Variants in RABL2A observed in about 807,000 individuals in gnomAD.
RABL2A encodes the protein rab-like protein 2A.
Under a neutral mutation model 30.7 loss-of-function variants are expected in RABL2A, and 17 were observed. The observed-to-expected ratio is 0.55, with a 90% CI of 0.38 to 0.83. RABL2A has a LOEUF of 0.83. Among genes scored for constraint, RABL2A ranks in the 40% least tolerant of loss-of-function variants. The pLI, the probability that RABL2A is intolerant of heterozygous loss-of-function variation, is 0.00. For synonymous variants in RABL2A, 64 were observed against 101.8 expected (o/e 0.63, Z 2.24); for missense variants, 155 against 272.6 (o/e 0.57, Z 3.04).
At chr2:113,641,936 T>C in intron 8 of RABL2A, 72 bp downstream of exon 8, 1 of 1,513,066 alleles carries the variant, frequency 6.6e-7, no homozygotes, top group Admixed American at 2.0e-5. Context: ...TACAACCCAG[T>C]AGAGTGACTC....
intron 2 of RABL2A, 54 bp from the exon 3 acceptor site, chr2:113,632,861 G>T: frequency 6.2e-7 from 1 of 1,614,112 alleles, no homozygotes; most frequent in Non-Finnish European, 8.5e-7. Flanking sequence ...AAAAAGTCTG[G>T]GACAAGGGAG....
chr2:113,642,721 AC>A lies in RABL2A; in HGVS notation c.*594del. The A allele has an allele frequency of 5.3e-6, 1 of 189,514 alleles. No individual in the cohort carries two copies. Among genetic ancestry groups the A allele is most frequent in the East Asian group, 1.8e-4 (1 of 5,674 alleles). The allele number at this position is 189,514 out of a possible 1,614,324, so 11.7% of individuals were successfully genotyped here. ...AGTGGCGCAGTCTCGGCTCGCTGCA[AC>A]CTCTGACTCCCTGGTTCAAACGATT... On this transcript the variant is annotated 3_prime_UTR_variant, in exon 9 of 9. Transcript: ENST00000683472.
In RABL2A at chr2:113,640,881, C is replaced by G. The variant is rs752018237; in HGVS notation, c.298-13C>G. 2 of 1,613,928 alleles carry G rather than the reference C, an allele frequency of 1.2e-6. No individual in the cohort carries two copies. The highest frequency in any genetic ancestry group is 8.5e-7 in the Non-Finnish European group (1 of 1,179,856). ...ACATACCTGAGCTATCTTTCTTCCT[C>G]TGCCCTTTGCAGGTGTTTGATATAC... is the stretch of plus-strand genomic sequence containing the variant. On this transcript the variant is annotated splice_polypyrimidine_tract_variant and intron_variant, in intron 5 of 8. Coordinates refer to ENST00000683472, the MANE Select transcript of RABL2A (RefSeq NM_001306158.2).
Position 113,627,266 on chromosome 2 carries a change from G to C in RABL2A, c.-188G>C, listed in dbSNP as rs1268997218. On this transcript the variant is annotated 5_prime_UTR_variant, in exon 1 of 9. Coordinates refer to ENST00000683472, the MANE Select transcript of RABL2A (RefSeq NM_001306158.2). ...CAGCTGCGAGGACGCGGGGCGAGCC[G>C]GAAGTGGAGTGCGCTGCGGTGCGAG... 2.1e-5 allele frequency: 3 copies of C among 143,568 alleles called. No homozygotes were observed. The highest frequency in any genetic ancestry group is 4.5e-5 in the Non-Finnish European group (3 of 66,726). The allele number at this position is 143,568 out of a possible 1,614,324, so 8.9% of individuals were successfully genotyped here.
intron 5 of RABL2A, among the ~76,000 whole-genome samples, chr2:113,637,108 T>C (rs943671994): frequency 2.6e-5 from 4 of 152,210 alleles, no homozygotes; most frequent in Non-Finnish European, 5.9e-5. Context: ...CGGCCTTACC[T>C]TGGCACTGAG....
intron 5 of RABL2A, among the ~76,000 whole-genome samples, chr2:113,639,654 G>A (rs1684353793): frequency 3.3e-5 from 5 of 151,380 alleles, no homozygotes; most frequent in Middle Eastern, 6.8e-3. Context: ...TCAAGAGTTC[G>A]AGACCAGCCT....
At chr2:113,630,984 G>A (rs1449746545) in intron 2 of RABL2A, among the ~76,000 whole-genome samples, 2 of 151,876 alleles carry the variant, frequency 1.3e-5, no homozygotes, top group Non-Finnish European at 2.9e-5. Context: ...TGCAACCTCC[G>A]CCTCCCAGGT....
At chr2:113,638,389 C>G in intron 5 of RABL2A, 2 of 985,366 alleles carry the variant, frequency 2.0e-6, no homozygotes, top group Non-Finnish European at 2.4e-6. Context: ...CCAGCAGTTA[C>G]AGGGTGGTGG....
intron 4 of RABL2A, chr2:113,634,550 T>C: frequency 2.2e-6 from 1 of 461,638 alleles, no homozygotes. Context: ...AGGCAGTAGT[T>C]TTCCTAGCTT....
rs1371829712 is a variant in RABL2A, at chr2:113,643,222, G to A, written c.*1093G>A. ...TTGGACCTTGTGCCTCCTGTGGGAG[G>A]CTGAGGACTGCAAGAGGAGAGCTAG... is the stretch of plus-strand genomic sequence containing the variant. On this transcript the variant is annotated 3_prime_UTR_variant, in exon 9 of 9. Transcript: ENST00000683472. 1 of 442,838 alleles carries A rather than the reference G, an allele frequency of 2.3e-6. No homozygotes were observed. The allele number at this position is 442,838 out of a possible 1,614,324, so 27.4% of individuals were successfully genotyped here.
intron 5 of RABL2A, chr2:113,638,290 G>A (rs1414236141): frequency 6.1e-6 from 6 of 985,262 alleles, no homozygotes; most frequent in South Asian, 4.7e-5. Context: ...TGACCCTCCC[G>A]CCACCACACA....
intron 2 of RABL2A, among the ~76,000 whole-genome samples, chr2:113,632,575 C>G (rs1335641280): frequency 6.6e-6 from 1 of 152,252 alleles, no homozygotes; most frequent in Non-Finnish European, 1.5e-5. Flanking sequence ...CGGGAAATGG[C>G]TTTTGAACGG....
intron 2 of RABL2A, among the ~76,000 whole-genome samples, chr2:113,630,646 T>C (rs1332420903): frequency 2.6e-5 from 4 of 151,924 alleles, no homozygotes; most frequent in African/African-American, 7.3e-5. Context: ...TTTTTTTTTT[T>C]CTCATGCAGC....
At chr2:113,635,477 G>A in intron 5 of RABL2A, 1 of 383,440 alleles carries the variant, frequency 2.6e-6, no homozygotes, top group South Asian at 2.2e-5. Context: ...CTCCACTGTT[G>A]CCTGCTGCCT....
chr2:113,630,039 G>A (rs1359593695), intron 2 of RABL2A, among the ~76,000 whole-genome samples: 7 of 152,096 alleles, frequency 4.6e-5, no homozygotes, highest in South Asian at 2.1e-4. Context: ...CAGAGCTTTC[G>A]GAGAATGTAT....
rs1442971708 is a variant in RABL2A, at chr2:113,641,861, C to A, written c.588C>A (p.Leu196=). 1 of 1,105,170 alleles carries A rather than the reference C, an allele frequency of 9.0e-7. No individual in the cohort carries two copies. The highest frequency in any genetic ancestry group is 2.6e-5 in the East Asian group (1 of 38,312). 68.5% of individuals were successfully genotyped at this position (1,105,170 alleles called of 1,614,324 possible). A position where few individuals can be genotyped will look rare whatever the true frequency, so the allele number is the denominator to read the frequency against. Residue 196 remains leucine, a synonymous_variant, in exon 8 of 9, where the codon CTC becomes CTA. Transcript: ENST00000683472. ...TCATGGATGAGATTTTTCAGGAGCT[C>A]GAGGTAGGTCAGGTCCACATTTCGG... The part of the protein sequence containing the change: ...QDFMDEIFQE[L]ENFSLEQEEE...
At chr2:113,638,339 G>A (rs1683748180) in intron 5 of RABL2A, 1 of 985,330 alleles carries the variant, frequency 1.0e-6, no homozygotes, top group Non-Finnish European at 1.2e-6. Context: ...CATGTTGCTT[G>A]CACAAATAGC....
In RABL2A at chr2:113,643,014, T is replaced by A; in HGVS notation, c.*885T>A. 2.6e-6 allele frequency: 1 copy of A among 380,652 alleles called. No individual in the cohort carries two copies. The highest frequency in any genetic ancestry group is 2.0e-5 in the South Asian group (1 of 50,828). The allele number at this position is 380,652 out of a possible 1,614,324, so 23.6% of individuals were successfully genotyped here. A position where few individuals can be genotyped will look rare whatever the true frequency, so the allele number is the denominator to read the frequency against. The stretch of plus-strand genomic sequence containing the variant: ...ACCCACTCTGTTTCAGGAGCTCTTC[T>A]AGGTAAAGCTGAGATCACAGGAACA... On this transcript the variant is annotated 3_prime_UTR_variant, in exon 9 of 9. Transcript: ENST00000683472.
At chr2:113,637,972 A>G in intron 5 of RABL2A, 2 of 985,274 alleles carry the variant, frequency 2.0e-6, no homozygotes, top group South Asian at 9.4e-5. Context: ...TTCTGACCAC[A>G]CGGGGAGCTG....
Sources: gnomAD v4.1 joint callset for allele counts (sites outside exome capture counted in the v4.1 genomes callset) on GRCh38, gnomAD v4.1.1 for gene constraint, MANE v1.5 for transcripts, NCBI Gene and HGNC (gene_info 2026-07-23, HGNC 2026-07-21) for gene names.